CENPE: variants seen among roughly 807,000 people sequenced by gnomAD.
CENPE encodes centromere protein E, also known as centromere-associated protein E.
In CENPE, 145 loss-of-function variants were observed where a neutral mutation model predicts 336.1. That is an observed-to-expected ratio of 0.43 (90% confidence interval 0.38 to 0.50). CENPE has a LOEUF of 0.50. CENPE is among the 20% of genes least tolerant of loss of function. CENPE has a pLI of 0.00. For missense variants in CENPE, 2,719 were observed against 3,023.3 expected, an observed-to-expected ratio of 0.90 and a Z score of 2.36; for synonymous variants, 1,013 against 984.8, an observed-to-expected ratio of 1.03 and a Z score of -0.54.
chr4:103,138,222 T>C (rs1752234175), intron 39 of CENPE, 129 bp downstream of exon 39: 6 of 684,502 alleles, frequency 8.8e-6, no homozygotes, highest in South Asian at 8.5e-5. Flanking sequence ...CTGTACTAGA[T>C]TACAATGTTT....
At chr4:103,178,114 T>C (rs1256256931) in intron 13 of CENPE, among the ~76,000 whole-genome samples, 2 of 151,332 alleles carry the variant, frequency 1.3e-5, no homozygotes, top group Admixed American at 6.6e-5. Flanking sequence ...ACTGTAATCA[T>C]GTTTGAAATT....
intron 43 of CENPE, among the ~76,000 whole-genome samples, chr4:103,122,513 C>T (rs889481609): frequency 2.0e-5 from 3 of 152,130 alleles, no homozygotes; most frequent in South Asian, 4.1e-4. Flanking sequence ...TGCTATTTCT[C>T]TCCAAGCTAA....
intron 16 of CENPE, among the ~76,000 whole-genome samples, chr4:103,172,816 G>A (rs576104480): frequency 6.6e-6 from 1 of 151,854 alleles, no homozygotes; most frequent in African/African-American, 2.4e-5. Context: ...CCAAGGAGGT[G>A]TCAGATCTCT....
chr4:103,128,217 A>G (rs908452497), intron 42 of CENPE, among the ~76,000 whole-genome samples: 1 of 152,318 alleles, frequency 6.6e-6, no homozygotes, highest in African/African-American at 2.4e-5. Flanking sequence ...CCCCAAGAAG[A>G]CATAACAATT....
Position 103,152,962 on chromosome 4 carries a change from T to C in CENPE, c.3237+85A>G. On this transcript the variant is annotated intron_variant, in intron 25 of 48. Coordinates refer to ENST00000265148, the MANE Select transcript of CENPE (RefSeq NM_001813.3). ...TTCCACCAGATACATTTATTGTATA[T>C]AAATTATACCTCAATAAAGTTGATA... The C allele has an allele frequency of 5.1e-6, 5 of 972,010 alleles. No homozygotes were observed. The South Asian group carries it at 8.6e-5, about 17-fold the overall frequency. 60.2% of individuals were successfully genotyped at this position (972,010 alleles called of 1,614,324 possible).
At position 103,140,831 on chromosome 4, in the gene CENPE, G is replaced by T. The variant is rs772945190; in HGVS notation, c.5737C>A (p.Gln1913Lys). Residue 1913 changes from glutamine (Q) to lysine (K), a missense_variant, in exon 36 of 49, where the codon CAA becomes AAA. Gln to Lys is a moderately conservative substitution (Grantham distance 53). Transcript: ENST00000265148. ...LERDQLKESL[Q>K]ETKARDLEIQ... ...CAACTCACTCTAGCTTTGGTTTCTT[G>T]CAGGCTTTCCTTGAGTTGGTCTCTC... 2 of 1,587,844 alleles carry T rather than the reference G, an allele frequency of 1.3e-6. No individual in the cohort carries two copies. Among genetic ancestry groups the T allele is most frequent in the Non-Finnish European group, 1.7e-6 (2 of 1,172,074 alleles).
At chr4:103,113,125 T>TGTATATATATACTTATAAGTATATAA (rs1749697203) in intron 46 of CENPE, among the ~76,000 whole-genome samples, 1 of 108,116 alleles carries the variant, frequency 9.2e-6, no homozygotes, top group African/African-American at 3.4e-5. Flanking sequence ...TATAAGTATA[T>TGTATATATATACTTATAAGTATATAA]GTGTATATAT....
Position 103,161,126 on chromosome 4 carries a change from T to A in CENPE, c.2091A>T (p.Ile697=). 1.2e-6 allele frequency: 2 copies of A among 1,607,318 alleles called. No individual in the cohort carries two copies. The highest frequency in any genetic ancestry group is 1.7e-6 in the Non-Finnish European group (2 of 1,177,706). ...CATCTATAAGGGAGGTGAGTTTTGT[T>A]ATCTCATTAAAAGCAGATTGTAATT... is the stretch of plus-strand genomic sequence containing the variant. ...EKELQSAFNE[I]TKLTSLIDGK... is the part of the protein sequence containing the mutation. Residue 697 remains isoleucine, a synonymous_variant, in exon 20 of 49, where the codon ATA becomes ATT. Coordinates refer to ENST00000265148, the MANE Select transcript of CENPE (RefSeq NM_001813.3).
At chr4:103,154,562 G>A (rs1753817632) in intron 24 of CENPE, among the ~76,000 whole-genome samples, 3 of 152,044 alleles carry the variant, frequency 2.0e-5, no homozygotes, top group Non-Finnish European at 4.4e-5. Context: ...TAGGGAACAC[G>A]TAGTCTTTTG....
intron 16 of CENPE, among the ~76,000 whole-genome samples, chr4:103,164,088 C>T (rs1021043167): frequency 4.6e-5 from 7 of 152,058 alleles, no homozygotes; most frequent in African/African-American, 1.7e-4. Context: ...AATATTATTA[C>T]TTTTCACCAG....
At chr4:103,122,083 A>C (rs2125868354) in intron 43 of CENPE, among the ~76,000 whole-genome samples, 1 of 152,240 alleles carries the variant, frequency 6.6e-6, no homozygotes, top group South Asian at 2.1e-4. Flanking sequence ...TTGCTTCTTT[A>C]AATTACTATA....
intron 9 of CENPE, among the ~76,000 whole-genome samples, chr4:103,184,976 T>C (rs930975282): frequency 1.3e-5 from 2 of 152,192 alleles, no homozygotes; most frequent in African/African-American, 4.8e-5. Context: ...CTCCATTTTT[T>C]CAAGTATTTG....
At chr4:103,114,624 G>C in intron 45 of CENPE, 72 bp from the exon 46 acceptor site, 1 of 922,500 alleles carries the variant, frequency 1.1e-6, no homozygotes, top group Non-Finnish European at 1.7e-6. Context: ...CAGAACTGCT[G>C]TGAAGGATTT....
chr4:103,182,495 C>T (rs34399088), intron 11 of CENPE, among the ~76,000 whole-genome samples: 1 of 151,942 alleles, frequency 6.6e-6, no homozygotes, highest in Non-Finnish European at 1.5e-5. Flanking sequence ...TTTCCTTTTA[C>T]AATAAATTAA....
At chr4:103,115,730 T>C (rs1750036106) in intron 45 of CENPE, among the ~76,000 whole-genome samples, 1 of 150,978 alleles carries the variant, frequency 6.6e-6, no homozygotes, top group African/African-American at 2.4e-5. Context: ...AGAACATATT[T>C]CTTTTTTTTT....
chr4:103,197,448 T>C (rs1431219417), intron 1 of CENPE, among the ~76,000 whole-genome samples: 1 of 152,256 alleles, frequency 6.6e-6, no homozygotes, highest in African/African-American at 2.4e-5. Context: ...CTGCCCATCA[T>C]AACACTTGTC....
intron 40 of CENPE, among the ~76,000 whole-genome samples, chr4:103,134,372 T>C (rs887329710): frequency 3.3e-5 from 5 of 152,018 alleles, no homozygotes; most frequent in Non-Finnish European, 5.9e-5. Context: ...TGGTGGCTCA[T>C]GCCTGTAATC....
rs774819384 is a variant in CENPE, at chr4:103,149,358, C to CTCT, written c.3444_3446dup (p.Glu1149dup). On this transcript the variant is annotated inframe_insertion, in exon 27 of 49. Coordinates refer to ENST00000265148, the MANE Select transcript of CENPE (RefSeq NM_001813.3). ...TAATCTTTTTCTGCATCTCACTCAT[C>CTCT]TCTTCTTGTACATTAAGAAGTTGTT... 13 of 1,605,776 alleles carry CTCT rather than the reference C, an allele frequency of 8.1e-6. No individual in the cohort carries two copies. Among genetic ancestry groups the CTCT allele is most frequent in the African/African-American group, 1.3e-5 (1 of 74,488 alleles).
intron 5 of CENPE, 38 bp downstream of exon 5, chr4:103,195,076 T>A: frequency 2.6e-6 from 4 of 1,522,352 alleles, no homozygotes; most frequent in Non-Finnish European, 3.5e-6. Context: ...TCTCAATAAG[T>A]CAGTCAATTT....
Sources: allele counts gnomAD v4.1 joint callset (sites outside exome capture counted in the v4.1 genomes callset), GRCh38; gene constraint gnomAD v4.1.1; transcripts MANE v1.5; gene names NCBI Gene and HGNC (gene_info 2026-07-23, HGNC 2026-07-21).